The following HHIPL1 variants were observed in gnomAD, a reference collection of about 807,000 sequenced individuals.
HHIPL1 encodes the protein HHIP-like protein 1.
Under a neutral mutation model 61.8 loss-of-function variants are expected in HHIPL1, and 43 were observed. The observed-to-expected ratio is 0.70, with a 90% confidence interval of 0.55 to 0.90. The LOEUF (loss-of-function observed/expected upper bound fraction) is 0.90, where lower values mean the gene tolerates loss of function less well. HHIPL1 is among the 40% of genes least tolerant of loss of function. The pLI is 0.00. For missense variants in HHIPL1, 1,056 were observed against 1,157.7 expected (o/e 0.91, Z 1.28); for synonymous variants, 482 against 515.8 (o/e 0.93, Z 0.89).
chr14:99,622,031 AAC>A, the HHIPL1 span, among the ~76,000 whole-genome samples: 74 of 151,688 alleles, frequency 4.9e-4, no homozygotes, highest in Admixed American at 1.3e-3. Flanking sequence ...TCACTTTTTA[AAC>A]ACAATTCAGG....
chr14:99,636,689 A>C, the HHIPL1 span, among the ~76,000 whole-genome samples: 1 of 152,098 alleles, frequency 6.6e-6, no homozygotes, highest in Non-Finnish European at 1.5e-5. Context: ...AGTTACAAAA[A>C]GAAAAGTGCA....
intron 2 of HHIPL1, among the ~76,000 whole-genome samples, chr14:99,654,188 CAAAAA>C (rs754501639): frequency 3.3e-5 from 3 of 90,024 alleles, no homozygotes; most frequent in African/African-American, 5.1e-5. Context: ...GACTCTGTCT[CAAAAA>C]AAAAAAAAAA....
chr14:99,609,894 C>A, the HHIPL1 span, among the ~76,000 whole-genome samples: 1 of 152,208 alleles, frequency 6.6e-6, no homozygotes, highest in South Asian at 2.1e-4. Flanking sequence ...AGGCTTAGAG[C>A]AGAGGAGAGA....
intron 2 of HHIPL1, among the ~76,000 whole-genome samples, chr14:99,653,426 G>A (rs371171131): frequency 2.6e-5 from 4 of 152,146 alleles, no homozygotes; most frequent in East Asian, 1.9e-4. Context: ...TCCGCCTCCC[G>A]GGTTCAAGCA....
chr14:99,638,870 A>G, the HHIPL1 span, among the ~76,000 whole-genome samples: 12 of 152,210 alleles, frequency 7.9e-5, no homozygotes, highest in Admixed American at 5.9e-4. Flanking sequence ...GGTGGTGCAC[A>G]TCCCACCGCC....
At chr14:99,637,571 CAA>C in the HHIPL1 span, among the ~76,000 whole-genome samples, 3 of 118,436 alleles carry the variant, frequency 2.5e-5, no homozygotes, top group African/African-American at 3.2e-5. Context: ...GACTCCGTCT[CAA>C]AAAAAAAAAA....
chr14:99,612,905 G>A, the HHIPL1 span, among the ~76,000 whole-genome samples: 2 of 152,132 alleles, frequency 1.3e-5, no homozygotes, highest in South Asian at 2.1e-4. Context: ...TCACAAAGCC[G>A]CCCCACCTGG....
At chr14:99,632,185 T>C in the HHIPL1 span, among the ~76,000 whole-genome samples, 1 of 152,244 alleles carries the variant, frequency 6.6e-6, no homozygotes, top group African/African-American at 2.4e-5. Flanking sequence ...GGAGTAGCTT[T>C]GCACACAGGT....
the HHIPL1 span, among the ~76,000 whole-genome samples, chr14:99,612,109 A>G: frequency 6.6e-6 from 1 of 152,218 alleles, no homozygotes; most frequent in Non-Finnish European, 1.5e-5. Flanking sequence ...AAGAGGCTTG[A>G]TTGACTCACA....
At position 99,668,904 on chromosome 14, in the gene HHIPL1, G is replaced by A. The variant is rs200323307; in HGVS notation, c.1730+601G>A. On this transcript the variant is annotated intron_variant, in intron 7 of 8. Transcript: ENST00000330710. The surrounding 1 kb of genome is among the most constrained non-coding windows in gnomAD (Gnocchi z 4.7). The stretch of plus-strand genomic sequence containing the variant: ...TGTGCAGCTCATTGACGTCTCAGCC[G>A]TTCATTTTACAGTGGTGGAAATGAG... 21 of 1,613,318 alleles carry A rather than the reference G, an allele frequency of 1.3e-5. No individual in the cohort carries two copies. The highest frequency in any genetic ancestry group is 5.3e-5 in the African/African-American group (4 of 75,026).
chr14:99,669,356 G>T, intron 7 of HHIPL1: 1 of 1,000,658 alleles, frequency 1.0e-6, no homozygotes, highest in Non-Finnish European at 1.2e-6. Context: ...ACTGGGTACG[G>T]ACACAGCTTG....
the HHIPL1 span, among the ~76,000 whole-genome samples, chr14:99,628,702 T>G: frequency 1.1e-4 from 17 of 152,160 alleles, no homozygotes; most frequent in African/African-American, 4.1e-4. Context: ...CCCCAGCTTC[T>G]TGTTCCCAAA....
At chr14:99,647,977 A>G (rs2055868693) in intron 1 of HHIPL1, among the ~76,000 whole-genome samples, 1 of 152,180 alleles carries the variant, frequency 6.6e-6, no homozygotes, top group Non-Finnish European at 1.5e-5. Flanking sequence ...CTAAGCCACT[A>G]AAATCATCAA....
At chr14:99,627,041 G>A in the HHIPL1 span, among the ~76,000 whole-genome samples, 11 of 152,112 alleles carry the variant, frequency 7.2e-5, no homozygotes, top group Non-Finnish European at 1.2e-4. This position sits in a 1 kb window ranked among gnomAD's most constrained non-coding sequence, Gnocchi z 4.4. Context: ...GTCTGTCAGA[G>A]CCCAGAGCCA....
chr14:99,667,738 C>T (rs544020554), intron 6 of HHIPL1, among the ~76,000 whole-genome samples: 35 of 152,316 alleles, frequency 2.3e-4, no homozygotes, highest in African/African-American at 6.3e-4. Flanking sequence ...ACACGCTCTG[C>T]GCTCTTCAGT....
chr14:99,651,546 A>T (rs935921102), intron 1 of HHIPL1, among the ~76,000 whole-genome samples: 4 of 152,290 alleles, frequency 2.6e-5, no homozygotes, highest in South Asian at 4.1e-4. Flanking sequence ...GTACTAAACT[A>T]AACCATGCGT....
the HHIPL1 span, among the ~76,000 whole-genome samples, chr14:99,633,397 G>A: frequency 6.6e-6 from 1 of 152,346 alleles, no homozygotes; most frequent in African/African-American, 2.4e-5. Context: ...GACCCCCACA[G>A]AGGAACTGAG....
chr14:99,624,891 T>C, the HHIPL1 span: 1 of 152,216 alleles, frequency 6.6e-6, no homozygotes, highest in Non-Finnish European at 1.5e-5. Flanking sequence ...GTCTGTAAAG[T>C]GGGCAGCCCA....
intron 1 of HHIPL1, among the ~76,000 whole-genome samples, chr14:99,647,919 G>A (rs1209458782): frequency 6.6e-6 from 1 of 152,154 alleles, no homozygotes; most frequent in African/African-American, 2.4e-5. Context: ...AGTGCATCTG[G>A]TGTGAGCTTC....
Sources: allele counts gnomAD v4.1 joint callset (sites outside exome capture counted in the v4.1 genomes callset), GRCh38; gene constraint gnomAD v4.1.1; non-coding constraint Gnocchi (gnomAD v3.1); transcripts MANE v1.5; gene names NCBI Gene and HGNC (gene_info 2026-07-23, HGNC 2026-07-21).